OSBPL8: variants seen among roughly 807,000 people sequenced by gnomAD.
The protein encoded by OSBPL8 is oxysterol-binding protein-related protein 8.
In OSBPL8, 59 loss-of-function variants were observed where a neutral mutation model predicts 125.5. The ratio of observed to expected loss-of-function variants is 0.47; its 90% CI spans 0.38 to 0.58. The LOEUF (loss-of-function observed/expected upper bound fraction) is 0.58, where lower values mean the gene tolerates loss of function less well. Among genes scored for constraint, OSBPL8 ranks in the 20% least tolerant of loss-of-function variants. The pLI is 0.00. For synonymous variants in OSBPL8, 330 were observed against 338.9 expected (o/e 0.97, Z 0.29); for missense variants, 758 against 1,047.8 (o/e 0.72, Z 3.82).
intron 23 of OSBPL8, 141 bp from the exon 24 acceptor site, chr12:76,356,162 T>TGGGGGGGTGGTGGGGGGGG (rs1951977503): frequency 7.6e-6 from 1 of 131,834 alleles, no homozygotes; most frequent in South Asian, 1.2e-4. Context: ...TATGTAGGGG[T>TGGGGGGGTGGTGGGGGGGG]GGGGGGGGGC....
chr12:76,512,794 A>G (rs554043052), intron 1 of OSBPL8, among the ~76,000 whole-genome samples: 30 of 152,158 alleles, frequency 2.0e-4, no homozygotes, highest in Non-Finnish European at 4.0e-4. Context: ...CATTTCAATG[A>G]TATTGATTCT....
intron 4 of OSBPL8, among the ~76,000 whole-genome samples, chr12:76,425,053 C>T (rs1048659621): frequency 1.3e-5 from 2 of 152,148 alleles, no homozygotes; most frequent in African/African-American, 4.8e-5. Flanking sequence ...CACCAAGTTC[C>T]TCTGGATCAT....
intron 21 of OSBPL8, among the ~76,000 whole-genome samples, chr12:76,361,704 A>G (rs1382703408): frequency 6.6e-6 from 1 of 152,182 alleles, no homozygotes; most frequent in Non-Finnish European, 1.5e-5. Flanking sequence ...TGGCAGCAGC[A>G]AAAGAGAATG....
intron 10 of OSBPL8, 115 bp downstream of exon 10, chr12:76,392,466 G>C: frequency 1.1e-6 from 1 of 888,088 alleles, no homozygotes; most frequent in South Asian, 2.9e-5. Flanking sequence ...CATATAATGG[G>C]AAGATATGCA....
At chr12:76,540,478 TTATA>T (rs1950608976) in intron 1 of OSBPL8, among the ~76,000 whole-genome samples, 1 of 143,674 alleles carries the variant, frequency 7.0e-6, no homozygotes. Context: ...TTTAAAAAAA[TTATA>T]TAGTCGTGTG....
In OSBPL8 at chr12:76,530,379, C is replaced by T. The variant is rs149990566; in HGVS notation, c.-68+29018G>A. On this transcript the variant is annotated intron_variant, in intron 1 of 23. Transcript: ENST00000261183. ...AGCCACCACAAGGTTTTTGTATCTG[C>T]TGTTCTTTGCCTAAAACACTCTTCC... Among the ~76,000 whole-genome samples the T allele has an allele frequency of 4.9e-3, 740 of 152,064 alleles. 3 individuals carry two copies. The highest frequency in any genetic ancestry group is 0.01 in the Middle Eastern group (3 of 294).
At chr12:76,519,673 T>G (rs1881880801) in intron 1 of OSBPL8, among the ~76,000 whole-genome samples, 1 of 152,160 alleles carries the variant, frequency 6.6e-6, no homozygotes, top group Non-Finnish European at 1.5e-5. Flanking sequence ...GGAAGAATGG[T>G]GACCACATCC....
intron 1 of OSBPL8, among the ~76,000 whole-genome samples, chr12:76,512,925 G>T (rs548706427): frequency 5.9e-5 from 9 of 152,230 alleles, no homozygotes; most frequent in African/African-American, 2.2e-4. Context: ...ATATTCCTAG[G>T]TATCTTTTTT....
intron 2 of OSBPL8, among the ~76,000 whole-genome samples, chr12:76,483,123 G>T (rs1223937748): frequency 6.6e-6 from 1 of 152,100 alleles, no homozygotes; most frequent in Admixed American, 6.6e-5. Context: ...AGCCAGGCAT[G>T]GTGGCGCTCG....
chr12:76,459,124 G>A (rs976013844), intron 3 of OSBPL8, among the ~76,000 whole-genome samples: 12 of 152,110 alleles, frequency 7.9e-5, no homozygotes, highest in African/African-American at 2.9e-4. Context: ...TCGGATATTT[G>A]TGCTATCTTA....
Position 76,375,369 on chromosome 12 carries a change from T to G in OSBPL8, c.1731A>C (p.Gly577=). The G allele has an allele frequency of 6.2e-7, 1 of 1,607,972 alleles. No homozygotes were observed. Among genetic ancestry groups the G allele is most frequent in the Non-Finnish European group, 8.5e-7 (1 of 1,175,910 alleles). Residue 577 remains glycine (G), a splice_region_variant and synonymous_variant, in exon 17 of 24, where the codon GGA becomes GGC. Transcript: ENST00000261183. ...VMTMPYAHCK[G]ILYGTMTLEL... ...CCAGTGTCATTGTACCATAAAGAATTCCTAAAGGAAAAAGATTTGACAAAA... is the reference window on the plus strand; with the variant it reads ...CCAGTGTCATTGTACCATAAAGAATGCCTAAAGGAAAAAGATTTGACAAAA...
chr12:76,376,789 T>A (rs1952834195), intron 16 of OSBPL8, among the ~76,000 whole-genome samples: 1 of 152,004 alleles, frequency 6.6e-6, no homozygotes, highest in South Asian at 2.1e-4. Flanking sequence ...CTCCGAGATT[T>A]CTCAACTGTG....
rs191711000 is a variant in OSBPL8 at position 76,375,196 on chromosome 12, T to G, written c.1827+77A>C. On this transcript the variant is annotated intron_variant, in intron 17 of 23. Coordinates refer to ENST00000261183, the MANE Select transcript of OSBPL8 (RefSeq NM_020841.5). ...TTACATTTAGTCCTTAATTAGGAAA[T>G]ACATGGTGCCCTTTATTCAATATTT... 40 of 951,612 alleles carry G rather than the reference T, an allele frequency of 4.2e-5. No individual in the cohort carries two copies. The African/African-American group carries it at 6.4e-4, about 15-fold the overall frequency. The allele number at this position is 951,612 out of a possible 1,614,324, so 58.9% of individuals were successfully genotyped here.
At chr12:76,519,967 T>C (rs920718172) in intron 1 of OSBPL8, among the ~76,000 whole-genome samples, 6 of 152,142 alleles carry the variant, frequency 3.9e-5, no homozygotes, top group African/African-American at 1.2e-4. Flanking sequence ...ATCCAAACCA[T>C]ATCAGTACAG....
At chr12:76,381,562 T>C (rs1330282052) in intron 15 of OSBPL8, among the ~76,000 whole-genome samples, 1 of 152,176 alleles carries the variant, frequency 6.6e-6, no homozygotes, top group Non-Finnish European at 1.5e-5. Context: ...CATTTATGAT[T>C]ATTATGTTAT....
At chr12:76,451,838 C>T (rs1001496986) in intron 3 of OSBPL8, among the ~76,000 whole-genome samples, 8 of 152,120 alleles carry the variant, frequency 5.3e-5, no homozygotes, top group African/African-American at 1.2e-4. Context: ...TATAAAAACT[C>T]GAGTTTCATC....
At chr12:76,455,644 C>T (rs190309291) in intron 3 of OSBPL8, among the ~76,000 whole-genome samples, 174 of 152,232 alleles carry the variant, frequency 1.1e-3, no homozygotes, top group African/African-American at 4.1e-3. Flanking sequence ...AACCAGAAAG[C>T]CCATGTTTCT....
chr12:76,392,280 A>G (rs1045785493), intron 10 of OSBPL8, among the ~76,000 whole-genome samples: 2 of 152,236 alleles, frequency 1.3e-5, no homozygotes, highest in Non-Finnish European at 2.9e-5. Context: ...AGAAAAGCGT[A>G]AGGAGGAGTA....
At chr12:76,413,218 G>C (rs538071076) in intron 4 of OSBPL8, among the ~76,000 whole-genome samples, 1 of 152,248 alleles carries the variant, frequency 6.6e-6, no homozygotes, top group Non-Finnish European at 1.5e-5. Context: ...TCAAGAAATA[G>C]AGAATTGCTA....
Sources: allele counts gnomAD v4.1 joint callset (sites outside exome capture counted in the v4.1 genomes callset), GRCh38; gene constraint gnomAD v4.1.1; transcripts MANE v1.5; gene names NCBI Gene and HGNC (gene_info 2026-07-23, HGNC 2026-07-21).